KLHL13: variants seen among roughly 807,000 people sequenced by gnomAD.
The protein encoded by KLHL13 is kelch-like protein 13.
A neutral mutation model predicts 37.1 loss-of-function variants in KLHL13; 10 were observed. That is an observed-to-expected ratio of 0.27 (90% CI 0.17 to 0.46). The LOEUF (loss-of-function observed/expected upper bound fraction) is 0.46, where lower values mean the gene tolerates loss of function less well. Ranked by LOEUF, KLHL13 falls within the 20% of genes least tolerant of loss-of-function variation. The pLI, the probability that KLHL13 is intolerant of heterozygous loss-of-function variation, is 1.00. For missense variants in KLHL13, 360 were observed against 509.3 expected (o/e 0.71, Z 2.82); for synonymous variants, 163 against 181.2 (o/e 0.90, Z 0.81).
At chrX:118,056,794 C>T (rs770273143) in intron 1 of KLHL13, among the ~76,000 whole-genome samples, 1 of 111,847 alleles carries the variant, frequency 8.9e-6, no homozygotes, top group South Asian at 3.8e-4. Flanking sequence ...CTCATTAATT[C>T]TCAGAATGTT....
At chrX:118,101,882 G>A (rs2055293012) in intron 1 of KLHL13, among the ~76,000 whole-genome samples, 1 of 111,986 alleles carries the variant, frequency 8.9e-6, no homozygotes, top group Admixed American at 9.5e-5. Flanking sequence ...CTTCCACCAT[G>A]ATTGTAAGTT....
chrX:117,904,382 C>T (rs62609215), intron 5 of KLHL13, among the ~76,000 whole-genome samples: 6,597 of 110,836 alleles, frequency 0.06, 181 homozygotes, highest in Middle Eastern at 0.12. Flanking sequence ...TAGGTTAGTA[C>T]CAACAACTCT....
chrX:117,984,624 A>C (rs1427011103), intron 1 of KLHL13, among the ~76,000 whole-genome samples: 1 of 111,559 alleles, frequency 9.0e-6, no homozygotes, highest in Non-Finnish European at 1.9e-5. Flanking sequence ...TAAATTCAAA[A>C]CAGCATCTCC....
chrX:118,000,351 T>C (rs934730400), intron 1 of KLHL13, among the ~76,000 whole-genome samples: 2 of 112,193 alleles, frequency 1.8e-5, no homozygotes, highest in African/African-American at 6.5e-5. Context: ...AAACTTAATT[T>C]CAATCTACTT....
intron 1 of KLHL13, among the ~76,000 whole-genome samples, chrX:118,059,749 ACTCC>A (rs2054721425): frequency 9.1e-6 from 1 of 110,336 alleles, no homozygotes; most frequent in African/African-American, 3.3e-5. Flanking sequence ...AATGTTCCAA[ACTCC>A]CTCTCTGGGC....
chrX:118,089,624 A>AAGAAAGAAAGAC (rs1569313895), intron 1 of KLHL13, among the ~76,000 whole-genome samples: 12 of 65,959 alleles, frequency 1.8e-4, no homozygotes, highest in African/African-American at 5.6e-4. Flanking sequence ...AAGAAAGAGA[A>AAGAAAGAAAGAC]AGAAAGAAAG....
intron 4 of KLHL13, among the ~76,000 whole-genome samples, chrX:117,911,996 C>A (rs939681105): frequency 9.0e-5 from 10 of 111,682 alleles, no homozygotes; most frequent in Non-Finnish European, 1.9e-4. Context: ...TATAAATACC[C>A]TGGATTTCTA....
At chrX:118,044,099 A>G (rs969820706) in intron 1 of KLHL13, among the ~76,000 whole-genome samples, 1 of 112,102 alleles carries the variant, frequency 8.9e-6, no homozygotes, top group Non-Finnish European at 1.9e-5. Flanking sequence ...AAAAGTGAAC[A>G]ATCTGAAAAA....
At chrX:118,107,509 C>T (rs2055358551) in intron 1 of KLHL13, among the ~76,000 whole-genome samples, 1 of 112,212 alleles carries the variant, frequency 8.9e-6, no homozygotes, top group Admixed American at 9.5e-5. Flanking sequence ...AAGTTATCAA[C>T]TAATTTAGCC....
chrX:117,925,552 T>C (rs1931962497), intron 2 of KLHL13, among the ~76,000 whole-genome samples: 1 of 111,965 alleles, frequency 8.9e-6, no homozygotes, highest in African/African-American at 3.2e-5. Context: ...CAGATGCACT[T>C]AAGTTAAAAC....
At chrX:117,910,856 T>C (rs1290662792) in intron 4 of KLHL13, among the ~76,000 whole-genome samples, 2 of 111,026 alleles carry the variant, frequency 1.8e-5, no homozygotes, top group Non-Finnish European at 3.8e-5. Context: ...TTTCAGCACA[T>C]TCTGTTTCTC....
chrX:118,012,563 C>T (rs1269253931), intron 1 of KLHL13, among the ~76,000 whole-genome samples: 1 of 108,096 alleles, frequency 9.3e-6, no homozygotes, highest in Non-Finnish European at 1.9e-5. Context: ...CTGAACGGTC[C>T]AGGATAATCT....
intron 1 of KLHL13, among the ~76,000 whole-genome samples, chrX:118,021,531 T>C (rs1485746146): frequency 9.1e-6 from 1 of 109,720 alleles, no homozygotes; most frequent in African/African-American, 3.4e-5. Flanking sequence ...AGAATGATGG[T>C]TTCCAGCTTC....
At chrX:118,097,275 T>G (rs777395036) in intron 1 of KLHL13, among the ~76,000 whole-genome samples, 55 of 109,975 alleles carry the variant, frequency 5.0e-4, no homozygotes, top group African/African-American at 1.8e-3. Flanking sequence ...AGCATTCTTA[T>G]ACACCTATAA....
At chrX:117,961,750 C>T (rs1032958305) in intron 1 of KLHL13, among the ~76,000 whole-genome samples, 1 of 110,772 alleles carries the variant, frequency 9.0e-6, no homozygotes. Context: ...TAACTTATAG[C>T]CAACAAGATG....
At chrX:117,897,930 G>A (rs1201811693) in exon 7 of KLHL13, 1 of 112,047 alleles carries the variant, frequency 8.9e-6, no homozygotes, top group Non-Finnish European at 1.9e-5. Flanking sequence ...CTTATGAACT[G>A]AGTATACAGA....
chrX:118,061,881 T>TA (rs948280626), intron 1 of KLHL13, among the ~76,000 whole-genome samples: 27 of 111,479 alleles, frequency 2.4e-4, no homozygotes, highest in East Asian at 1.4e-3. Context: ...TTCTATGTGT[T>TA]AAAAAAAATG....
intron 1 of KLHL13, among the ~76,000 whole-genome samples, chrX:118,022,597 C>A (rs1242437423): frequency 3.6e-5 from 4 of 111,968 alleles, no homozygotes; most frequent in East Asian, 2.8e-4. Context: ...TGATGTTGAG[C>A]ACCTTTTTAT....
At chrX:117,972,324 T>C (rs1015405670) in intron 1 of KLHL13, among the ~76,000 whole-genome samples, 33 of 112,114 alleles carry the variant, frequency 2.9e-4, no homozygotes, top group African/African-American at 1.0e-3. Flanking sequence ...CATGAAAAAA[T>C]AGTAAAGAGG....
Sources: gnomAD v4.1 joint callset for allele counts (sites outside exome capture counted in the v4.1 genomes callset) on GRCh38, gnomAD v4.1.1 for gene constraint, MANE v1.5 for transcripts, NCBI Gene and HGNC (gene_info 2026-07-23, HGNC 2026-07-21) for gene names.